Variants in SENP8 observed in about 807,000 individuals in gnomAD.
SENP8 encodes sentrin-specific protease 8.
SENP8 carries 10 observed loss-of-function variants against 14.4 expected under a neutral mutation model. That is an observed-to-expected ratio of 0.69 (90% CI 0.43 to 1.18). The LOEUF (loss-of-function observed/expected upper bound fraction) is 1.18. Among genes scored for constraint, SENP8 ranks in the 50% most tolerant of loss-of-function variants. The pLI is 0.00. For missense variants in SENP8, 202 were observed against 249.4 expected (o/e 0.81, Z 1.28); for synonymous variants, 94 against 95.5 (o/e 0.98, Z 0.09).
chr15:72,123,944 A>T (rs187251113), intron 1 of SENP8, among the ~76,000 whole-genome samples: 9 of 152,340 alleles, frequency 5.9e-5, no homozygotes, highest in Non-Finnish European at 1.5e-5. Flanking sequence ...ACAGAGCAAT[A>T]AATGGAGAGC....
At chr15:72,133,525 A>C (rs891378521) in intron 1 of SENP8, among the ~76,000 whole-genome samples, 3 of 152,210 alleles carry the variant, frequency 2.0e-5, no homozygotes, top group Non-Finnish European at 2.9e-5. Context: ...CACTTTCCTC[A>C]AAGCCATTTC....
chr15:72,117,620 G>T (rs904411866), upstream of SENP8: 243 of 393,936 alleles, frequency 6.2e-4, no homozygotes, highest in African/African-American at 4.2e-3. Flanking sequence ...GCCAAATAGC[G>T]AGGCTGAGAC....
At chr15:72,125,283 A>G (rs544766629) in intron 1 of SENP8, among the ~76,000 whole-genome samples, 2 of 152,324 alleles carry the variant, frequency 1.3e-5, no homozygotes, top group East Asian at 3.9e-4. Context: ...ATAATCTCTC[A>G]GCAATGCTAA....
At chr15:72,115,786 T>C (rs2080949348), upstream of SENP8, among the ~76,000 whole-genome samples, 2 of 152,248 alleles carry the variant, frequency 1.3e-5, 1 homozygote, top group South Asian at 4.1e-4. Context: ...ATCCTTTCTG[T>C]AGGTTCAACA....
chr15:72,130,173 A>G (rs1021151971), intron 1 of SENP8, among the ~76,000 whole-genome samples: 4 of 152,226 alleles, frequency 2.6e-5, no homozygotes, highest in African/African-American at 9.6e-5. Context: ...CTGAGCAAGA[A>G]GAGCGAAATG....
rs1273650165 is a variant in SENP8 at position 72,140,269 on chromosome 15, A to AAGT, written c.*9_*11dup. ...CACACTTGCTAAAAAGTAGCTATTG[A>AAGT]AGTATATTTGCGACTTTTGAAGGCT... On this transcript the variant is annotated 3_prime_UTR_variant, in exon 2 of 2. Transcript: ENST00000340912. 6.2e-7 allele frequency: 1 copy of AAGT among 1,604,574 alleles called. No individual in the cohort carries two copies. The highest frequency in any genetic ancestry group is 8.5e-7 in the Non-Finnish European group (1 of 1,172,086).
chr15:72,134,921 A>C, intron 1 of SENP8: 1 of 303,118 alleles, frequency 3.3e-6, no homozygotes, highest in South Asian at 3.2e-5. Context: ...TATTGAGTGC[A>C]TTAAGCACTC....
chr15:72,116,913 C>G (rs1220577546), upstream of SENP8: 1 of 152,192 alleles, frequency 6.6e-6, no homozygotes, highest in African/African-American at 2.4e-5. Flanking sequence ...CCACTTTTTT[C>G]AGCCCAACCC....
At position 72,123,723 on chromosome 15, in the gene SENP8, A is replaced by T. The variant is rs1207791169; in HGVS notation, c.-48+5259A>T. On this transcript the variant is annotated intron_variant, in intron 1 of 1. Coordinates refer to ENST00000340912, the MANE Select transcript of SENP8 (RefSeq NM_145204.4). ...GCCTGGCTAATTTTGTATTTTTAGT[A>T]GAGACAGGGTTTCTCCATGTTGGTC... 2.0e-5 allele frequency among the ~76,000 whole-genome samples: 3 copies of T among 152,108 alleles called. No homozygotes were observed. In the East Asian group the frequency reaches 5.8e-4, roughly 29 times the overall value.
At chr15:72,118,702 T>A (rs570249845) in intron 1 of SENP8, 1 of 152,446 alleles carries the variant, frequency 6.6e-6, no homozygotes, top group South Asian at 2.1e-4. Flanking sequence ...GTGGTTTCCA[T>A]GCCTTGGGTT....
upstream of SENP8, chr15:72,116,982 T>C (rs1482915218): frequency 6.6e-6 from 1 of 152,168 alleles, no homozygotes; most frequent in Non-Finnish European, 1.5e-5. Context: ...TACATTAGGC[T>C]AAGCAAATAT....
intron 1 of SENP8, among the ~76,000 whole-genome samples, chr15:72,129,204 A>G (rs908271403): frequency 6.6e-6 from 1 of 152,212 alleles, no homozygotes; most frequent in African/African-American, 2.4e-5. Context: ...TCCATTGTAA[A>G]TTAGTATTTT....
chr15:72,130,058 T>C (rs2081258328), intron 1 of SENP8, among the ~76,000 whole-genome samples: 1 of 151,714 alleles, frequency 6.6e-6, no homozygotes, highest in South Asian at 2.1e-4. Flanking sequence ...AGCATTGTGG[T>C]AGGCACCTCT....
chr15:72,140,341 C>G lies in SENP8; in HGVS notation c.*79C>G. ...TTGTTGGATGGCTGCAATCTCAGTG[C>G]CTGAGGGAAGATGCCTAGTAGAGGA... On this transcript the variant is annotated 3_prime_UTR_variant, in exon 2 of 2. Coordinates refer to ENST00000340912, the MANE Select transcript of SENP8 (RefSeq NM_145204.4). 9.8e-7 allele frequency: 1 copy of G among 1,019,852 alleles called. No homozygotes were observed. The highest frequency in any genetic ancestry group is 1.5e-6 in the Non-Finnish European group (1 of 667,660). 63.2% of individuals were successfully genotyped at this position (1,019,852 alleles called of 1,614,324 possible).
rs2081371737 is a variant in SENP8 at position 72,140,523 on chromosome 15, A to G, written c.*261A>G. ...ACCAACTTATTTGAACATTTATTAC[A>G]CACAGGGTTTACGTAAGACTTTTCT... On this transcript the variant is annotated 3_prime_UTR_variant, in exon 2 of 2. Transcript: ENST00000340912. 1 of 458,110 alleles carries G rather than the reference A, an allele frequency of 2.2e-6. No individual in the cohort carries two copies. The highest frequency in any genetic ancestry group is 4.0e-6 in the Non-Finnish European group (1 of 248,246). 28.4% of individuals were successfully genotyped at this position (458,110 alleles called of 1,614,324 possible).
intron 1 of SENP8, among the ~76,000 whole-genome samples, chr15:72,129,042 T>C (rs1348445884): frequency 6.6e-6 from 1 of 152,244 alleles, no homozygotes; most frequent in Admixed American, 6.5e-5. Context: ...GGAGTACTAC[T>C]TAAGTCAATA....
At chr15:72,135,714 A>G (rs1351004415) in intron 1 of SENP8, among the ~76,000 whole-genome samples, 2 of 152,238 alleles carry the variant, frequency 1.3e-5, no homozygotes, top group African/African-American at 2.4e-5. Flanking sequence ...CATTTTGTCT[A>G]TGTGCTTGGT....
chr15:72,124,756 A>G (rs2081199976), intron 1 of SENP8, among the ~76,000 whole-genome samples: 1 of 152,124 alleles, frequency 6.6e-6, no homozygotes, highest in Non-Finnish European at 1.5e-5. Flanking sequence ...CACTGTATTT[A>G]CTAATTATGT....
At chr15:72,138,505 A>G (rs1358468933) in intron 1 of SENP8, among the ~76,000 whole-genome samples, 3 of 151,198 alleles carry the variant, frequency 2.0e-5, no homozygotes, top group African/African-American at 7.3e-5. Flanking sequence ...ATGCCCCACC[A>G]CGCCCGGCTA....
Sources: gnomAD v4.1 joint callset for allele counts (sites outside exome capture counted in the v4.1 genomes callset) on GRCh38, gnomAD v4.1.1 for gene constraint, MANE v1.5 for transcripts, NCBI Gene and HGNC (gene_info 2026-07-23, HGNC 2026-07-21) for gene names.